The following CALN1 variants were observed in gnomAD, a reference collection of about 807,000 sequenced individuals.
The protein encoded by CALN1 is calneuron 1, also known as calcium-binding protein 8.
CALN1 carries 17 observed loss-of-function variants against 30.6 expected under a neutral mutation model. The ratio of observed to expected loss-of-function variants is 0.56; its 90% CI spans 0.38 to 0.83. The LOEUF is 0.83. Ranked by LOEUF, CALN1 falls within the 40% of genes least tolerant of loss-of-function variation. The pLI is 0.00. For synonymous variants in CALN1, 156 were observed against 131.4 expected, an observed-to-expected ratio of 1.19 and a Z score of -1.28; for missense variants, 291 against 354.9, an observed-to-expected ratio of 0.82 and a Z score of 1.45.
At chr7:71,793,693 A>ATG in intron 6 of CALN1, among the ~76,000 whole-genome samples, 1 of 152,088 alleles carries the variant, frequency 6.6e-6, no homozygotes, top group African/African-American at 2.4e-5. Context: ...CCAACATGGC[A>ATG]AAACCCCATC....
chr7:71,884,906 CTAAA>C (rs1792808966), intron 5 of CALN1, among the ~76,000 whole-genome samples: 2 of 152,100 alleles, frequency 1.3e-5, no homozygotes, highest in African/African-American at 4.8e-5. Flanking sequence ...AAAAGATTAA[CTAAA>C]ATTTGAATAG....
chr7:71,875,569 G>A (rs907981369), intron 5 of CALN1, among the ~76,000 whole-genome samples: 2 of 152,110 alleles, frequency 1.3e-5, no homozygotes, highest in Non-Finnish European at 2.9e-5. Context: ...GTCATGGCAG[G>A]AAGCCAGACC....
intron 5 of CALN1, among the ~76,000 whole-genome samples, chr7:71,923,769 T>C (rs1047550859): frequency 8.5e-6 from 1 of 117,278 alleles, no homozygotes; most frequent in Admixed American, 9.5e-5. Context: ...ACAGATGCAC[T>C]TTTTTAGAGC....
At chr7:71,961,100 A>C (rs1418040845) in intron 5 of CALN1, among the ~76,000 whole-genome samples, 2 of 152,238 alleles carry the variant, frequency 1.3e-5, no homozygotes, top group African/African-American at 4.8e-5. Context: ...TACAGGCATG[A>C]GCCACTGCTC....
intron 5 of CALN1, among the ~76,000 whole-genome samples, chr7:71,826,030 C>A (rs1451161953): frequency 2.2e-4 from 11 of 51,036 alleles, no homozygotes; most frequent in African/African-American, 1.3e-3. Context: ...GAGACTCTGT[C>A]TCAAAAAAAA....
intron 3 of CALN1, among the ~76,000 whole-genome samples, chr7:72,248,822 T>A (rs867418783): frequency 0.016 from 1,053 of 65,178 alleles, 7 homozygotes; most frequent in Middle Eastern, 0.047. Context: ...TCGATCTAGA[T>A]TTTTTTTTTC....
At chr7:72,014,243 C>T (rs373510980) in intron 5 of CALN1, among the ~76,000 whole-genome samples, 15 of 152,028 alleles carry the variant, frequency 9.9e-5, no homozygotes, top group East Asian at 3.9e-4. Context: ...TGCGCCACCA[C>T]GCCCAGCTAA....
chr7:72,279,763 C>G lies in CALN1; in HGVS notation c.120-953G>C, dbSNP rs546694559. Among the ~76,000 whole-genome samples, 97 of 152,360 alleles carry G rather than the reference C, an allele frequency of 6.4e-4. 1 individual carries two copies. The highest frequency in any genetic ancestry group is 1.7e-3 in the Admixed American group (26 of 15,308). On this transcript the variant is annotated intron_variant, in intron 2 of 6. Coordinates refer to ENST00000395275, the MANE Select transcript of CALN1 (RefSeq NM_031468.4). ...AGAAAGAGCATAGCTCCTGGCCCAA[C>G]TTGTCTAATGATGCTCTCCGTGACT... is the stretch of plus-strand genomic sequence containing the variant.
intron 2 of CALN1, among the ~76,000 whole-genome samples, chr7:72,346,761 C>A (rs897692731): frequency 5.3e-5 from 8 of 152,108 alleles, no homozygotes; most frequent in Non-Finnish European, 8.8e-5. Flanking sequence ...AGTGATCCAC[C>A]CGCCTTGGCC....
At chr7:72,136,710 G>T (rs1784582053) in intron 3 of CALN1, among the ~76,000 whole-genome samples, 1 of 152,164 alleles carries the variant, frequency 6.6e-6, no homozygotes, top group South Asian at 2.1e-4. Flanking sequence ...TGAGAGACAT[G>T]AGACTCTTCC....
At chr7:71,871,322 T>C (rs1029757612) in intron 5 of CALN1, among the ~76,000 whole-genome samples, 3 of 152,186 alleles carry the variant, frequency 2.0e-5, no homozygotes, top group Admixed American at 6.5e-5. Context: ...GCGTGAATTG[T>C]CATCAAGCCT....
intron 3 of CALN1, among the ~76,000 whole-genome samples, chr7:72,225,561 C>G (rs1300783662): frequency 6.6e-6 from 1 of 151,976 alleles, no homozygotes; most frequent in Non-Finnish European, 1.5e-5. Context: ...TCACACACAG[C>G]TCGGTCTCTG....
intron 2 of CALN1, among the ~76,000 whole-genome samples, chr7:72,293,623 G>A (rs1461760005): frequency 1.3e-5 from 2 of 152,140 alleles, no homozygotes; most frequent in Non-Finnish European, 2.9e-5. Context: ...CCGTAAGAAA[G>A]CAGGCAGATG....
chr7:72,313,854 A>G (rs1258349706), intron 2 of CALN1, among the ~76,000 whole-genome samples: 1 of 152,204 alleles, frequency 6.6e-6, no homozygotes, highest in Non-Finnish European at 1.5e-5. Context: ...ACAAGGAAAC[A>G]GAGGAAGGGA....
chr7:71,918,705 C>G, intron 5 of CALN1, among the ~76,000 whole-genome samples: 1 of 152,146 alleles, frequency 6.6e-6, no homozygotes, highest in East Asian at 1.9e-4. Flanking sequence ...CCTAAAGCAG[C>G]CTAGACCAAG....
chr7:72,131,063 C>T lies in CALN1; in HGVS notation c.245-24769G>A, dbSNP rs536113117. On this transcript the variant is annotated intron_variant, in intron 3 of 6. Transcript: ENST00000395275. ...AGCACCCATGGGTCATCAAGGATGG[C>T]GTAGGTAAGGACATGATGCTGAGTG... Among the ~76,000 whole-genome samples the T allele has an allele frequency of 1.1e-4, 17 of 152,162 alleles. 1 individual carries two copies. The South Asian group carries it at 2.1e-3, about 19-fold the overall frequency.
At chr7:71,837,231 CAA>C (rs1488967715) in intron 5 of CALN1, among the ~76,000 whole-genome samples, 1 of 6,988 alleles carries the variant, frequency 1.4e-4, no homozygotes, top group Non-Finnish European at 2.4e-4. Flanking sequence ...AACTCCATCT[CAA>C]AAAAAAAGAC....
chr7:72,237,065 A>G (rs1044250088), intron 3 of CALN1, among the ~76,000 whole-genome samples: 18 of 105,486 alleles, frequency 1.7e-4, no homozygotes, highest in Non-Finnish European at 4.2e-5. Flanking sequence ...GCTCACTGCA[A>G]CCTCTGCCTC....
rs893799210 is a variant in CALN1 at position 71,853,580 on chromosome 7, AT to A, written c.502-43089del. ...AATCTTCTGTCATTCTGAAATTTTA[AT>A]TTTTTTTTTTTTATTTGAGACAGGG... On this transcript the variant is annotated intron_variant, in intron 5 of 6. Coordinates refer to ENST00000395275, the MANE Select transcript of CALN1 (RefSeq NM_031468.4). Among the ~76,000 whole-genome samples the A allele has an allele frequency of 6.5e-3, 907 of 139,248 alleles. 11 individuals are homozygous for A. The East Asian group carries it at 0.073, about 11-fold the overall frequency. The allele number at this position is 139,248 out of a possible 152,430, so 91.4% of individuals were successfully genotyped here.
Sources: gnomAD v4.1 joint callset for allele counts (sites outside exome capture counted in the v4.1 genomes callset) on GRCh38, gnomAD v4.1.1 for gene constraint, MANE v1.5 for transcripts, NCBI Gene and HGNC (gene_info 2026-07-23, HGNC 2026-07-21) for gene names.